The following EML5 variants were observed in gnomAD, a reference collection of about 807,000 sequenced individuals.
EML5 encodes echinoderm microtubule-associated protein-like 5.
In EML5, 120 loss-of-function variants were observed where a neutral mutation model predicts 250.0. The ratio of observed to expected loss-of-function variants is 0.48; its 90% CI spans 0.41 to 0.56. The LOEUF is 0.56. Ranked by LOEUF, EML5 falls within the 20% of genes least tolerant of loss-of-function variation. The probability of loss-of-function intolerance (pLI) is 0.00; values close to 1 mark genes in which losing one functional copy is unlikely to be tolerated. For missense variants in EML5, 2,006 were observed against 2,437.6 expected (o/e 0.82, Z 3.73); for synonymous variants, 771 against 806.5 (o/e 0.96, Z 0.75).
intron 1 of EML5, among the ~76,000 whole-genome samples, chr14:88,759,685 T>TAAAAAAAAAAAAAAAAAAAAAAAAA (rs58676323): frequency 1.1e-5 from 1 of 92,902 alleles, no homozygotes; most frequent in African/African-American, 5.5e-5. Flanking sequence ...CACCATCTCT[T>TAAAAAAAAAAAAAAAAAAAAAAAAA]AAAAAAAAAA....
At chr14:88,760,538 C>G (rs533208004) in intron 1 of EML5, among the ~76,000 whole-genome samples, 1 of 152,154 alleles carries the variant, frequency 6.6e-6, no homozygotes, top group Non-Finnish European at 1.5e-5. Flanking sequence ...TATCCTTTCA[C>G]CAATACCACA....
intron 8 of EML5, among the ~76,000 whole-genome samples, chr14:88,719,319 G>A (rs1203958529): frequency 2.7e-5 from 4 of 145,818 alleles, no homozygotes; most frequent in African/African-American, 9.9e-5. Flanking sequence ...CCAGGAGTTC[G>A]AGGCTGCAGT....
At chr14:88,743,962 A>T (rs2093965839) in intron 4 of EML5, 61 bp downstream of exon 4, 1 of 1,143,478 alleles carries the variant, frequency 8.7e-7, no homozygotes, top group African/African-American at 1.6e-5. Context: ...TTAACAGTGC[A>T]ATATATACTT....
At chr14:88,755,917 TGAACCCAGGAGTTCAAG>T (rs945008870) in intron 1 of EML5, among the ~76,000 whole-genome samples, 17 of 152,296 alleles carry the variant, frequency 1.1e-4, no homozygotes, top group Non-Finnish European at 1.8e-4. Flanking sequence ...GAAGATCGCT[TGAACCCAGGAGTTCAAG>T]GAACCCAGGA....
intron 27 of EML5, among the ~76,000 whole-genome samples, chr14:88,651,085 T>C (rs2091598814): frequency 6.6e-6 from 1 of 151,932 alleles, no homozygotes; most frequent in Admixed American, 6.6e-5. Context: ...TCTTCATTTG[T>C]AATCTCCTTT....
At chr14:88,690,751 C>T (rs2092937864) in intron 17 of EML5, among the ~76,000 whole-genome samples, 1 of 152,140 alleles carries the variant, frequency 6.6e-6, no homozygotes. Flanking sequence ...TAGAGAGGAA[C>T]ATTGATGATA....
At chr14:88,653,524 G>A (rs759458142) in intron 27 of EML5, among the ~76,000 whole-genome samples, 70 of 152,110 alleles carry the variant, frequency 4.6e-4, no homozygotes, top group Non-Finnish European at 2.4e-4. Flanking sequence ...GAATTTTATC[G>A]AAGGCCTTTT....
chr14:88,724,713 G>GA (rs1231450838), intron 8 of EML5, among the ~76,000 whole-genome samples: 5 of 152,068 alleles, frequency 3.3e-5, no homozygotes, highest in African/African-American at 1.2e-4. Flanking sequence ...TTACAGAAAA[G>GA]AAAAAATGAA....
At position 88,740,380 on chromosome 14, in the gene EML5, T is replaced by C. The variant is rs749351149; in HGVS notation, c.711+7A>G. ...TGAAAGTGTTTAAAATACTTAAATGTACTTACAGCATGGGCTCCTTGTATT... is the reference window on the plus strand; with the variant it reads ...TGAAAGTGTTTAAAATACTTAAATGCACTTACAGCATGGGCTCCTTGTATT... On this transcript the variant is annotated splice_region_variant and intron_variant, in intron 5 of 43. Transcript: ENST00000554922. The C allele has an allele frequency of 1.2e-6, 2 of 1,603,028 alleles. No individual in the cohort carries two copies. The highest frequency in any genetic ancestry group is 1.1e-5 in the South Asian group (1 of 89,538).
At chr14:88,652,906 G>A (rs151056928) in intron 27 of EML5, among the ~76,000 whole-genome samples, 47 of 152,160 alleles carry the variant, frequency 3.1e-4, no homozygotes, top group African/African-American at 1.0e-3. Context: ...CCATTTTCAC[G>A]ATATTGATTT....
chr14:88,618,326 A>G lies in EML5; in HGVS notation c.5544T>C (p.Ser1848=), dbSNP rs1284295824. ...FSADSSYLQV[S]SGCYKRHVYE... ...AGACATGCCGTTTATAGCAGCCACT[A>G]GAGACCTTTTTCATCAGATTAAAAT... The change falls in exon 41 of 44, where the codon TCT becomes TCC. Residue 1848 remains serine, a synonymous_variant. Transcript: ENST00000554922. The G allele has an allele frequency of 6.2e-7, 1 of 1,613,484 alleles. No homozygotes were observed. The highest frequency in any genetic ancestry group is 8.5e-7 in the Non-Finnish European group (1 of 1,179,746).
chr14:88,650,581 G>A (rs2091572586), intron 27 of EML5, among the ~76,000 whole-genome samples: 1 of 152,148 alleles, frequency 6.6e-6, no homozygotes, highest in South Asian at 2.1e-4. Flanking sequence ...GTCATCAGAA[G>A]CATTTTTCCT....
At chr14:88,715,660 C>CG (rs1238604510) in intron 8 of EML5, among the ~76,000 whole-genome samples, 4 of 141,654 alleles carry the variant, frequency 2.8e-5, no homozygotes, top group Admixed American at 2.1e-4. Flanking sequence ...TTCAGTAATA[C>CG]TTTTTTTTTT....
intron 1 of EML5, among the ~76,000 whole-genome samples, chr14:88,765,567 G>T (rs2094309740): frequency 6.6e-6 from 1 of 152,032 alleles, no homozygotes; most frequent in Admixed American, 6.5e-5. Flanking sequence ...TAATTAGACT[G>T]GGCCCATCTA....
chr14:88,733,320 C>A (rs2140164866), intron 7 of EML5, among the ~76,000 whole-genome samples: 1 of 152,362 alleles, frequency 6.6e-6, no homozygotes, highest in African/African-American at 2.4e-5. Context: ...CAAAAAGCGG[C>A]TTTGGCACAA....
chr14:88,682,630 C>T (rs2092739948), intron 20 of EML5, among the ~76,000 whole-genome samples: 1 of 152,148 alleles, frequency 6.6e-6, no homozygotes, highest in Non-Finnish European at 1.5e-5. Flanking sequence ...CCCCAGCTCG[C>T]GGTCAGAGCA....
chr14:88,736,809 A>G (rs1003578832), intron 6 of EML5, among the ~76,000 whole-genome samples: 16 of 151,948 alleles, frequency 1.1e-4, no homozygotes, highest in African/African-American at 3.6e-4. Context: ...CTTTACACAT[A>G]TTTATCCTTC....
intron 2 of EML5, among the ~76,000 whole-genome samples, chr14:88,746,658 C>T (rs1235089109): frequency 6.6e-6 from 1 of 152,008 alleles, no homozygotes; most frequent in Non-Finnish European, 1.5e-5. Context: ...GATGAGAAAA[C>T]ACCTACACCT....
At chr14:88,783,701 C>T (rs1021614101) in intron 1 of EML5, among the ~76,000 whole-genome samples, 1 of 152,112 alleles carries the variant, frequency 6.6e-6, no homozygotes, top group African/African-American at 2.4e-5. Flanking sequence ...AGACAGGCCC[C>T]AATATAATAG....
Sources: allele counts gnomAD v4.1 joint callset (sites outside exome capture counted in the v4.1 genomes callset), GRCh38; gene constraint gnomAD v4.1.1; transcripts MANE v1.5; gene names NCBI Gene and HGNC (gene_info 2026-07-23, HGNC 2026-07-21).